The following RANBP10 variants were observed in gnomAD, a reference collection of about 807,000 sequenced individuals.
The protein encoded by RANBP10 is ran-binding protein 10.
Under a neutral mutation model 72.8 loss-of-function variants are expected in RANBP10, and 24 were observed. The ratio of observed to expected loss-of-function variants is 0.33; its 90% CI spans 0.24 to 0.46. RANBP10 has a LOEUF of 0.46. RANBP10 is among the 20% of genes least tolerant of loss of function. The pLI is 1.00. For synonymous variants in RANBP10, 310 were observed against 322.3 expected (o/e 0.96, Z 0.41); for missense variants, 679 against 817.5 (o/e 0.83, Z 2.07).
rs1567699198 is a variant in RANBP10, at chr16:67,769,463, G to GAAAAAA, written c.400+2570_400+2571insTTTTTT. Among the ~76,000 whole-genome samples the GAAAAAA allele has an allele frequency of 1.9e-5, 2 of 107,830 alleles. 1 individual carries two copies. Among genetic ancestry groups the GAAAAAA allele is most frequent in the Non-Finnish European group, 3.7e-5 (2 of 53,882 alleles). The allele number at this position is 107,830 out of a possible 152,430, so 70.7% of individuals were successfully genotyped here. The stretch of plus-strand genomic sequence containing the variant: ...TGTCTCAAAAAAAAAAAAAAAAAAA[G>GAAAAAA]TGCTGGGCGCAGTGGCTCACGCCTG... On this transcript the variant is annotated intron_variant, in intron 3 of 13. Transcript: ENST00000317506.
chr16:67,755,762 G>A (rs1269677769), intron 3 of RANBP10, among the ~76,000 whole-genome samples: 1 of 151,472 alleles, frequency 6.6e-6, no homozygotes, highest in Admixed American at 6.6e-5. Context: ...ACATCCGGCT[G>A]GCTCTGGGTC....
At chr16:67,761,102 T>C (rs2054387967) in intron 3 of RANBP10, among the ~76,000 whole-genome samples, 1 of 152,168 alleles carries the variant, frequency 6.6e-6, no homozygotes, top group Non-Finnish European at 1.5e-5. Flanking sequence ...GTTCTGACAT[T>C]TTTATTTTGG....
Position 67,806,483 on chromosome 16 carries a change from G to A in RANBP10, c.54C>T (p.Ser18=). 6.5e-7 allele frequency: 1 copy of A among 1,545,600 alleles called. No homozygotes were observed. Among genetic ancestry groups the A allele is most frequent in the South Asian group, 1.2e-5 (1 of 85,434 alleles). ...GCCCGCCCCCAGCGCCCCCGCCGGA[G>A]GAGTCCCCAGGCTGCGGGTTCCCAG... ...PGAGNPQPGD[S]SGGGAGGGLP... The change falls in exon 1 of 14, where the codon TCC becomes TCT. Residue 18 remains serine (S), a synonymous_variant. Coordinates refer to ENST00000317506, the MANE Select transcript of RANBP10 (RefSeq NM_020850.3).
intron 2 of RANBP10, among the ~76,000 whole-genome samples, chr16:67,803,262 T>G (rs973688231): frequency 1.3e-5 from 2 of 152,084 alleles, no homozygotes; most frequent in South Asian, 4.1e-4. Flanking sequence ...GTGCAGTAGC[T>G]CATGCCTGTA....
intron 2 of RANBP10, among the ~76,000 whole-genome samples, chr16:67,788,435 T>C (rs564490767): frequency 6.6e-6 from 1 of 151,038 alleles, no homozygotes. Flanking sequence ...TGTTGTATTT[T>C]TTTAGTAGAG....
intron 2 of RANBP10, among the ~76,000 whole-genome samples, chr16:67,783,774 TG>T (rs1397128909): frequency 6.6e-6 from 1 of 152,180 alleles, no homozygotes; most frequent in Admixed American, 6.6e-5. Context: ...CTGAGTGCGG[TG>T]GCTCACGCCT....
chr16:67,776,082 T>C lies in RANBP10; in HGVS notation c.348-3996A>G, dbSNP rs377737919. Among the ~76,000 whole-genome samples the C allele has an allele frequency of 1.9e-4, 29 of 149,720 alleles. No individual in the cohort carries two copies. In the East Asian group the frequency reaches 5.2e-3, roughly 27 times the overall value. On this transcript the variant is annotated intron_variant, in intron 2 of 13. Transcript: ENST00000317506. ...ATGGCATGAACCTGGGAGGCGGAGC[T>C]TGCAGTGAGCCGAGATCACACCACT...
chr16:67,769,884 G>A (rs1050984085), intron 3 of RANBP10, among the ~76,000 whole-genome samples: 2 of 151,644 alleles, frequency 1.3e-5, no homozygotes, highest in East Asian at 3.9e-4. Context: ...GGGGCAATGC[G>A]GTGAGACCCC....
intron 3 of RANBP10, among the ~76,000 whole-genome samples, chr16:67,760,040 C>T (rs2054365043): frequency 6.6e-6 from 1 of 150,708 alleles, no homozygotes; most frequent in Non-Finnish European, 1.5e-5. Context: ...GCAGAGCTTG[C>T]ACTGAGCCAA....
intron 2 of RANBP10, among the ~76,000 whole-genome samples, chr16:67,798,605 C>T (rs1326390322): frequency 6.6e-6 from 1 of 152,190 alleles, no homozygotes. Context: ...ACCAGAACTC[C>T]AGCACAAGCA....
At chr16:67,792,054 A>G (rs2055038305) in intron 2 of RANBP10, among the ~76,000 whole-genome samples, 2 of 151,692 alleles carry the variant, frequency 1.3e-5, no homozygotes, top group South Asian at 4.2e-4. Flanking sequence ...CAAAAAAAAA[A>G]AAAAAAAGTA....
rs540704853 is a variant in RANBP10, at chr16:67,730,139, G to A, written c.890-93C>T. The A allele has an allele frequency of 1.6e-5, 19 of 1,161,900 alleles. No individual in the cohort carries two copies. The highest frequency in any genetic ancestry group is 6.1e-5 in the African/African-American group (4 of 66,062). 72.0% of individuals were successfully genotyped at this position (1,161,900 alleles called of 1,614,324 possible). On this transcript the variant is annotated intron_variant, in intron 7 of 13. Coordinates refer to ENST00000317506, the MANE Select transcript of RANBP10 (RefSeq NM_020850.3). The surrounding 1 kb of genome is among the most constrained non-coding windows in gnomAD (Gnocchi z 4.3). Reference sequence around the variant, plus strand: ...TGCTGCCAGCCTCAGGGTAGGGTCCGGCTCAGAGTGCCTCGCCAGCTTGAA... The same window carrying A: ...TGCTGCCAGCCTCAGGGTAGGGTCCAGCTCAGAGTGCCTCGCCAGCTTGAA...
chr16:67,746,890 C>T (rs896932871), intron 3 of RANBP10, among the ~76,000 whole-genome samples: 1 of 152,182 alleles, frequency 6.6e-6, no homozygotes, highest in Non-Finnish European at 1.5e-5. Context: ...GAGTAGTACT[C>T]CATGTTATGG....
At chr16:67,750,412 C>T (rs1389647715) in intron 3 of RANBP10, among the ~76,000 whole-genome samples, 1 of 152,236 alleles carries the variant, frequency 6.6e-6, no homozygotes, top group Non-Finnish European at 1.5e-5. Flanking sequence ...TCCCCTTGCA[C>T]ACTGCCCATA....
chr16:67,799,447 CTG>C (rs1567717726), intron 2 of RANBP10, among the ~76,000 whole-genome samples: 2 of 152,018 alleles, frequency 1.3e-5, no homozygotes, highest in African/African-American at 2.4e-5. Context: ...GCCACCATGC[CTG>C]GCTAATTTTT....
intron 3 of RANBP10, among the ~76,000 whole-genome samples, chr16:67,750,893 A>C (rs1307488254): frequency 6.6e-6 from 1 of 151,560 alleles, no homozygotes; most frequent in African/African-American, 2.4e-5. Flanking sequence ...TAGCCACCCA[A>C]GTAGCTGGGA....
At chr16:67,733,036 A>G (rs1159179995) in intron 6 of RANBP10, among the ~76,000 whole-genome samples, 1 of 146,184 alleles carries the variant, frequency 6.8e-6, no homozygotes, top group Non-Finnish European at 1.5e-5. Context: ...CCTGGGCGAC[A>G]AAGCGAGACT....
chr16:67,734,549 C>T (rs1472565782), intron 6 of RANBP10, among the ~76,000 whole-genome samples: 1 of 152,178 alleles, frequency 6.6e-6, no homozygotes, highest in African/African-American at 2.4e-5. Flanking sequence ...CACAGGGCAT[C>T]CTCTGCAAAA....
At chr16:67,728,725 G>T in intron 10 of RANBP10, 6 of 837,280 alleles carry the variant, frequency 7.2e-6, no homozygotes, top group South Asian at 7.1e-5. Context: ...TCCCACCCTT[G>T]CCCCAGTGCT....
Sources: gnomAD v4.1 joint callset for allele counts (sites outside exome capture counted in the v4.1 genomes callset) on GRCh38, gnomAD v4.1.1 for gene constraint, Gnocchi (gnomAD v3.1) non-coding constraint, MANE v1.5 for transcripts, NCBI Gene and HGNC (gene_info 2026-07-23, HGNC 2026-07-21) for gene names.